The following EYS variants were observed in gnomAD, a reference collection of about 807,000 sequenced individuals.
EYS encodes protein eyes shut homolog.
Under a neutral mutation model 282.1 loss-of-function variants are expected in EYS, and 250 were observed. The ratio of observed to expected loss-of-function variants is 0.89; its 90% CI spans 0.80 to 0.98. EYS has a LOEUF of 0.98. Ranked by LOEUF, EYS falls within the 50% of genes least tolerant of loss-of-function variation. The pLI, the probability that EYS is intolerant of heterozygous loss-of-function variation, is 0.00. For missense variants in EYS, 4,016 were observed against 3,709.0 expected (o/e 1.08, Z -2.15); for synonymous variants, 1,355 against 1,282.9 (o/e 1.06, Z -1.20).
intron 22 of EYS, among the ~76,000 whole-genome samples, chr6:64,751,958 T>C (rs1772772361): frequency 2.0e-5 from 3 of 151,988 alleles, no homozygotes; most frequent in Non-Finnish European, 2.9e-5. Flanking sequence ...CAACATACAT[T>C]ATAATCACAT....
chr6:63,925,818 G>C (rs1205195730), intron 35 of EYS, among the ~76,000 whole-genome samples: 2 of 151,996 alleles, frequency 1.3e-5, no homozygotes, highest in Non-Finnish European at 2.9e-5. Flanking sequence ...TAATTTTTTT[G>C]TAGTTTTAGT....
At chr6:64,603,139 C>T (rs533502809) in intron 24 of EYS, among the ~76,000 whole-genome samples, 1 of 152,032 alleles carries the variant, frequency 6.6e-6, no homozygotes, top group East Asian at 1.9e-4. Context: ...TAGCTCTGGC[C>T]CTTTTTGGGA....
At position 65,693,161 on chromosome 6, in the gene EYS, T is replaced by G. The variant is rs74667282; in HGVS notation, c.-448+13974A>C. On this transcript the variant is annotated intron_variant, in intron 1 of 42. Coordinates refer to ENST00000503581, the MANE Select transcript of EYS (RefSeq NM_001142800.2). ...TCATCGCTTCCTTCCTTTCTTCCTA[T>G]TTTCCTTCCTTCTCTTTCTTTTCTT... 5.2e-3 allele frequency among the ~76,000 whole-genome samples: 783 copies of G among 149,740 alleles called. 26 individuals carry two copies. The highest frequency in any genetic ancestry group is 8.6e-3 in the South Asian group (40 of 4,662).
intron 12 of EYS, among the ~76,000 whole-genome samples, chr6:65,287,681 T>C (rs1376777476): frequency 1.3e-5 from 2 of 151,368 alleles, no homozygotes. Flanking sequence ...TGCCATCTAA[T>C]TATAATAACA....
At position 64,357,675 on chromosome 6, in the gene EYS, T is replaced by C. The variant is rs78780450; in HGVS notation, c.6078+31015A>G. 8.1e-3 allele frequency among the ~76,000 whole-genome samples: 1,233 copies of C among 151,636 alleles called. 20 individuals carry two copies. The highest frequency in any genetic ancestry group is 0.048 in the East Asian group (245 of 5,098). On this transcript the variant is annotated intron_variant, in intron 29 of 42. Transcript: ENST00000503581. ...TACTGGGGCCAGGAAACTTTTTCCA[T>C]AAAGGGACAGAGAACAAGTTTTGGG... is the stretch of plus-strand genomic sequence containing the variant.
intron 22 of EYS, among the ~76,000 whole-genome samples, chr6:64,656,188 C>T (rs1246837511): frequency 2.2e-5 from 2 of 90,482 alleles, no homozygotes; most frequent in Non-Finnish European, 4.6e-5. Context: ...AAATTAGTAT[C>T]ACAGAAAAAA....
At chr6:65,576,036 C>T (rs1174190207) in intron 2 of EYS, among the ~76,000 whole-genome samples, 1 of 151,958 alleles carries the variant, frequency 6.6e-6, no homozygotes, top group Non-Finnish European at 1.5e-5. Context: ...TCTCAAACTC[C>T]TCCAAAAATT....
chr6:65,334,296 C>G (rs1769899739), intron 11 of EYS, among the ~76,000 whole-genome samples: 1 of 151,738 alleles, frequency 6.6e-6, no homozygotes, highest in Non-Finnish European at 1.5e-5. Flanking sequence ...GGGTCTCACT[C>G]TGTTGCCCAG....
At chr6:65,652,383 A>T (rs962888604) in intron 1 of EYS, among the ~76,000 whole-genome samples, 2 of 152,000 alleles carry the variant, frequency 1.3e-5, no homozygotes, top group African/African-American at 4.8e-5. Flanking sequence ...TGGAGGAAAA[A>T]TTGTGCTGAA....
rs73741295 is a variant in EYS at position 65,335,421 on chromosome 6, C to A, written c.1600-275G>T. 1.7e-3 allele frequency among the ~76,000 whole-genome samples: 255 copies of A among 151,846 alleles called. 1 individual carries two copies. The highest frequency in any genetic ancestry group is 5.7e-3 in the African/African-American group (235 of 41,478). ...TCATTTCATTTCTAACTCTGATTTACAACCAAGGCCACCATAACCCTTATC... is the reference window on the plus strand; with the variant it reads ...TCATTTCATTTCTAACTCTGATTTAAAACCAAGGCCACCATAACCCTTATC... On this transcript the variant is annotated intron_variant, in intron 10 of 42. Transcript: ENST00000503581.
At chr6:64,535,199 G>A (rs1301756515) in intron 26 of EYS, among the ~76,000 whole-genome samples, 1 of 152,040 alleles carries the variant, frequency 6.6e-6, no homozygotes, top group Non-Finnish European at 1.5e-5. Context: ...TTCTTTGACC[G>A]ATATTGAACA....
At chr6:64,364,229 C>T (rs577676734) in intron 29 of EYS, among the ~76,000 whole-genome samples, 1 of 151,804 alleles carries the variant, frequency 6.6e-6, no homozygotes, top group African/African-American at 2.4e-5. Flanking sequence ...AGTATCTTGG[C>T]CATGGCTGAC....
chr6:63,723,548 T>C (rs1444435684), intron 42 of EYS, among the ~76,000 whole-genome samples: 1 of 152,022 alleles, frequency 6.6e-6, no homozygotes, highest in Non-Finnish European at 1.5e-5. Context: ...TTAGGAAAGC[T>C]GAAGCTGTGA....
At chr6:64,966,602 G>A (rs2150108884) in intron 14 of EYS, among the ~76,000 whole-genome samples, 1 of 152,238 alleles carries the variant, frequency 6.6e-6, no homozygotes, top group East Asian at 1.9e-4. Context: ...TCCTTTTCTA[G>A]CTTCTAGAAC....
chr6:65,196,539 T>C (rs557956355), intron 12 of EYS, among the ~76,000 whole-genome samples: 64 of 152,226 alleles, frequency 4.2e-4, no homozygotes, highest in Non-Finnish European at 7.2e-4. Flanking sequence ...TGAGCACTTA[T>C]CTTGTACCAA....
chr6:65,182,070 G>A (rs1030017908), intron 12 of EYS, among the ~76,000 whole-genome samples: 7 of 151,818 alleles, frequency 4.6e-5, no homozygotes, highest in Admixed American at 6.6e-5. Context: ...GGTAGGGGTA[G>A]GGGGGAGGGA....
intron 13 of EYS, among the ~76,000 whole-genome samples, chr6:65,016,657 A>G (rs535600973): frequency 6.6e-6 from 1 of 152,212 alleles, no homozygotes; most frequent in Non-Finnish European, 1.5e-5. Context: ...AAGTCATCCA[A>G]CTTCAATAAT....
intron 12 of EYS, among the ~76,000 whole-genome samples, chr6:65,208,548 A>T (rs1046531536): frequency 6.6e-6 from 1 of 151,960 alleles, no homozygotes; most frequent in African/African-American, 2.4e-5. Flanking sequence ...CACGGAATCA[A>T]GCTATGTGTC....
intron 30 of EYS, among the ~76,000 whole-genome samples, chr6:64,267,596 T>C (rs1381592685): frequency 6.6e-6 from 1 of 152,060 alleles, no homozygotes; most frequent in East Asian, 1.9e-4. Flanking sequence ...AGAAAGACCA[T>C]ATAGACATTA....
Sources: gnomAD v4.1 joint callset for allele counts (sites outside exome capture counted in the v4.1 genomes callset) on GRCh38, gnomAD v4.1.1 for gene constraint, MANE v1.5 for transcripts, NCBI Gene and HGNC (gene_info 2026-07-23, HGNC 2026-07-21) for gene names.